The following TMEM216 variants were observed in gnomAD, a reference collection of about 807,000 sequenced individuals.
TMEM216 encodes the protein cerebello-oculo-renal syndrome 2.
Under a neutral mutation model 17.8 loss-of-function variants are expected in TMEM216, and 15 were observed. That is an observed-to-expected ratio of 0.84 (90% CI 0.56 to 1.30). The LOEUF is 1.30. TMEM216 is among the 50% of genes most tolerant of loss of function. TMEM216 has a pLI of 0.00. For missense variants in TMEM216, 160 were observed against 175.7 expected, an observed-to-expected ratio of 0.91 and a Z score of 0.51; for synonymous variants, 58 against 73.5, an observed-to-expected ratio of 0.79 and a Z score of 1.08.
At chr11:61,393,510 A>G (rs1199662415) in intron 2 of TMEM216, among the ~76,000 whole-genome samples, 178 bp downstream of exon 2, 1 of 152,164 alleles carries the variant, frequency 6.6e-6, no homozygotes, top group Non-Finnish European at 1.5e-5. Context: ...GCAGCCCCTC[A>G]GCAAGAATTT....
chr11:61,393,047 G>C, intron 1 of TMEM216, 184 bp from the exon 2 acceptor site: 1 of 438,318 alleles, frequency 2.3e-6, no homozygotes, highest in Non-Finnish European at 3.0e-6. Flanking sequence ...TAGGAAAGGA[G>C]GGAAGCCCCC....
At chr11:61,393,488 A>G (rs899833570) in intron 2 of TMEM216, among the ~76,000 whole-genome samples, 156 bp downstream of exon 2, 1 of 152,106 alleles carries the variant, frequency 6.6e-6, no homozygotes, top group South Asian at 2.1e-4. Flanking sequence ...TTCTTTGAGT[A>G]TGATTCCATA....
intron 1 of TMEM216, 112 bp downstream of exon 1, chr11:61,392,777 G>C (rs989719115): frequency 1.3e-6 from 2 of 1,528,564 alleles, no homozygotes; most frequent in Non-Finnish European, 1.8e-6. Context: ...TAGGGACGTC[G>C]CGCCTCCCTG....
intron 2 of TMEM216, 108 bp from the exon 3 acceptor site, chr11:61,393,776 C>T: frequency 1.3e-6 from 1 of 747,942 alleles, no homozygotes; most frequent in East Asian, 2.6e-5. Flanking sequence ...ATCTCACTAA[C>T]TAGTTCATGG....
chr11:61,397,911 A>G lies in TMEM216; in HGVS notation c.367A>G (p.Ile123Val), dbSNP rs1202088377. 21 of 1,614,024 alleles carry G rather than the reference A, an allele frequency of 1.3e-5. No homozygotes were observed. Among genetic ancestry groups the G allele is most frequent in the Non-Finnish European group, 1.7e-5 (20 of 1,179,900 alleles). The change falls in exon 4 of 5, where the codon ATC becomes GTC. Residue 123 changes from isoleucine to valine, a missense_variant. Transcript: ENST00000515837. ...CCGCCTGGAAGCCATCATGAATGGC[A>G]TCTTGCTCTTCTTCTGTGGCTCAGA... ...VLRLEAIMNGILLFFCGSELL... is the reference protein window; with the variant it reads ...VLRLEAIMNGVLLFFCGSELL...
chr11:61,393,178 C>G, intron 1 of TMEM216, 53 bp from the exon 2 acceptor site: 1 of 1,374,832 alleles, frequency 7.3e-7, no homozygotes, highest in Admixed American at 2.1e-5. Context: ...CCCATACGAG[C>G]AGAGAGGGAG....
rs1362597973 is a variant in TMEM216, at chr11:61,397,794, C to T, written c.250C>T (p.Gln84Ter). 1 of 1,613,468 alleles carries T rather than the reference C, an allele frequency of 6.2e-7. No homozygotes were observed. Among genetic ancestry groups the T allele is most frequent in the Non-Finnish European group, 8.5e-7 (1 of 1,179,882 alleles). The change falls in exon 4 of 5, where the codon CAG becomes TAG. Residue 84 changes from glutamine (Q) to a stop codon, truncating the protein, a stop_gained. Transcript: ENST00000515837. LOFTEE classifies it high-confidence loss of function. Reference protein sequence around the residue: ...LFFGTKGNLCQRKMPLSISVA... With the variant: ...LFFGTKGNLC Reference sequence around the variant, plus strand: ...GACAGGTACAAAGGGAAACCTCTGCCAGCGAAAGATGCCGCTCAGTATTAG... The same window carrying T: ...GACAGGTACAAAGGGAAACCTCTGCTAGCGAAAGATGCCGCTCAGTATTAG...
intron 3 of TMEM216, among the ~76,000 whole-genome samples, chr11:61,396,122 T>A (rs960433564): frequency 7.2e-5 from 11 of 152,206 alleles, no homozygotes; most frequent in South Asian, 2.1e-4. Context: ...AAACTAAACA[T>A]CTGTCCATAC....
chr11:61,395,968 AGTT>A (rs1238572870), intron 3 of TMEM216, among the ~76,000 whole-genome samples: 1 of 152,214 alleles, frequency 6.6e-6, no homozygotes, highest in African/African-American at 2.4e-5. Flanking sequence ...CTTGGGTAGT[AGTT>A]ATTACTGTGT....
chr11:61,398,299 C>T lies in TMEM216; in HGVS notation c.*23C>T, dbSNP rs1858847721. 2.5e-6 allele frequency: 4 copies of T among 1,610,032 alleles called. No individual in the cohort carries two copies. The highest frequency in any genetic ancestry group is 2.7e-5 in the African/African-American group (2 of 74,896). On this transcript the variant is annotated 3_prime_UTR_variant, in exon 5 of 5. Coordinates refer to ENST00000515837, the MANE Select transcript of TMEM216 (RefSeq NM_001173990.3). ...TGAAGTACAGAATTTCAGCCAGCAG[C>T]CCATCAGGCTGACACCACACATATT...
chr11:61,398,654 A>T lies in TMEM216; in HGVS notation c.*378A>T. 3.8e-6 allele frequency: 1 copy of T among 264,832 alleles called. No homozygotes were observed. Among genetic ancestry groups the T allele is most frequent in the Admixed American group, 4.8e-5 (1 of 20,972 alleles). The allele number at this position is 264,832 out of a possible 1,614,324, so 16.4% of individuals were successfully genotyped here. A position where few individuals can be genotyped will look rare whatever the true frequency, so the allele number is the denominator to read the frequency against. ...AGGACCTGAGCCACATGCTCCCTGT[A>T]CGAGCTGTGCTATACCTGTCCCACA... is the stretch of plus-strand genomic sequence containing the variant. On this transcript the variant is annotated 3_prime_UTR_variant, in exon 5 of 5. Coordinates refer to ENST00000515837, the MANE Select transcript of TMEM216 (RefSeq NM_001173990.3).
Position 61,398,834 on chromosome 11 carries a change from G to T in TMEM216, c.*558G>T, listed in dbSNP as rs7607. The T allele has an allele frequency of 1.3e-5, 2 of 152,318 alleles. No individual in the cohort carries two copies. Among genetic ancestry groups the T allele is most frequent in the African/African-American group, 4.8e-5 (2 of 41,278 alleles). 9.4% of individuals were successfully genotyped at this position (152,318 alleles called of 1,614,324 possible). ...ACTAACTTTATTTTATAATAAATAT[G>T]TATTTTCTGTTGTGGGGGTTGCAGC... is the stretch of plus-strand genomic sequence containing the variant. On this transcript the variant is annotated 3_prime_UTR_variant, in exon 5 of 5. Transcript: ENST00000515837.
Position 61,393,240 on chromosome 11 carries a change from T to A in TMEM216, c.44T>A (p.Leu15Ter). The part of the protein sequence containing the change: ...GLKMAPRGKR[L>*]SSTPLEILFF... ...TGTGCTCCTTTTTCAGGTAAACGGTTGTCCTCCACCCCGCTGGAAATCCTG... is the reference window on the plus strand; with the variant it reads ...TGTGCTCCTTTTTCAGGTAAACGGTAGTCCTCCACCCCGCTGGAAATCCTG... Residue 15 changes from leucine to a stop codon, truncating the protein, a stop_gained, in exon 2 of 5, where the codon TTG becomes TAG. Transcript: ENST00000515837. LOFTEE classifies it high-confidence loss of function. 1.3e-6 allele frequency: 2 copies of A among 1,535,782 alleles called. No homozygotes were observed. The highest frequency in any genetic ancestry group is 1.7e-6 in the Non-Finnish European group (2 of 1,146,656).
At position 61,392,596 on chromosome 11, in the gene TMEM216, AGCGCCGCGCT is replaced by A. The variant is rs1858695929; in HGVS notation, c.-33_-24del. ...AGGCCGCTTCGTCCCTGTTTCCGGCAGCGCCGCGCTGCTCCGGGAGCCGCTGTGGCAGCGT... is the reference window on the plus strand; with the variant it reads ...AGGCCGCTTCGTCCCTGTTTCCGGCAGCTCCGGGAGCCGCTGTGGCAGCGT... On this transcript the variant is annotated 5_prime_UTR_variant, in exon 1 of 5. Transcript: ENST00000515837. 6.5e-7 allele frequency: 1 copy of A among 1,533,624 alleles called. No individual in the cohort carries two copies. The highest frequency in any genetic ancestry group is 1.2e-5 in the South Asian group (1 of 83,988).
intron 1 of TMEM216, 136 bp from the exon 2 acceptor site, chr11:61,393,095 A>T: frequency 1.4e-6 from 1 of 694,256 alleles, no homozygotes. Flanking sequence ...CCTCATTATC[A>T]GCAACCAGAA....
rs1339787416 is a variant in TMEM216 at position 61,392,618 on chromosome 11, C to G, written c.-14C>G. ...GGCAGCGCCGCGCTGCTCCGGGAGC[C>G]GCTGTGGCAGCGTATGCTGCCACGG... On this transcript the variant is annotated 5_prime_UTR_variant, in exon 1 of 5. Transcript: ENST00000515837. 1 of 1,535,584 alleles carries G rather than the reference C, an allele frequency of 6.5e-7. No homozygotes were observed. The highest frequency in any genetic ancestry group is 1.4e-5 in the African/African-American group (1 of 73,036).
Position 61,392,601 on chromosome 11 carries a change from C to G in TMEM216, c.-31C>G. ...GCTTCGTCCCTGTTTCCGGCAGCGCCGCGCTGCTCCGGGAGCCGCTGTGGC... is the reference window on the plus strand; with the variant it reads ...GCTTCGTCCCTGTTTCCGGCAGCGCGGCGCTGCTCCGGGAGCCGCTGTGGC... On this transcript the variant is annotated 5_prime_UTR_variant, in exon 1 of 5. Coordinates refer to ENST00000515837, the MANE Select transcript of TMEM216 (RefSeq NM_001173990.3). The G allele has an allele frequency of 6.5e-7, 1 of 1,534,570 alleles. No homozygotes were observed. The highest frequency in any genetic ancestry group is 8.7e-7 in the Non-Finnish European group (1 of 1,146,180).
rs375734690 is a variant in TMEM216, at chr11:61,398,278, G to A, written c.*2G>A. ...TGCCATCGTATGGACAGGATTTGAA[G>A]TACAGAATTTCAGCCAGCAGCCCAT... On this transcript the variant is annotated 3_prime_UTR_variant, in exon 5 of 5. Coordinates refer to ENST00000515837, the MANE Select transcript of TMEM216 (RefSeq NM_001173990.3). The A allele has an allele frequency of 6.2e-7, 1 of 1,611,742 alleles. No homozygotes were observed. The highest frequency in any genetic ancestry group is 2.2e-5 in the East Asian group (1 of 44,848).
At chr11:61,394,101 C>A in intron 3 of TMEM216, 125 bp downstream of exon 3, 2 of 843,396 alleles carry the variant, frequency 2.4e-6, no homozygotes, top group Non-Finnish European at 3.9e-6. Context: ...TCCTATTACT[C>A]CGTCTCTGAA....
Sources: gnomAD v4.1 joint callset for allele counts (sites outside exome capture counted in the v4.1 genomes callset) on GRCh38, gnomAD v4.1.1 for gene constraint, MANE v1.5 for transcripts, NCBI Gene and HGNC (gene_info 2026-07-23, HGNC 2026-07-21) for gene names.